Variants in RAPGEF4 observed in about 807,000 individuals in gnomAD.
The protein encoded by RAPGEF4 is Rap guanine nucleotide exchange factor 4, also known as RAP guanine-nucleotide-exchange factor (GEF) 4.
Under a neutral mutation model 147.9 loss-of-function variants are expected in RAPGEF4, and 66 were observed. That is an observed-to-expected ratio of 0.45 (90% CI 0.37 to 0.55). The LOEUF (loss-of-function observed/expected upper bound fraction) is 0.55, where lower values mean the gene tolerates loss of function less well. RAPGEF4 is among the 20% of genes least tolerant of loss of function. RAPGEF4 has a pLI of 0.00. For synonymous variants in RAPGEF4, 419 were observed against 442.7 expected (o/e 0.95, Z 0.67); for missense variants, 1,071 against 1,257.3 (o/e 0.85, Z 2.24).
chr2:172,741,511 A>G (rs890644892), intron 1 of RAPGEF4, among the ~76,000 whole-genome samples: 3 of 152,186 alleles, frequency 2.0e-5, no homozygotes, highest in Non-Finnish European at 4.4e-5. Context: ...TTTTTGGCTA[A>G]TGTGAATACT....
chr2:172,965,705 G>T, intron 9 of RAPGEF4, 22 bp downstream of exon 9: 1 of 1,614,024 alleles, frequency 6.2e-7, no homozygotes, highest in Non-Finnish European at 8.5e-7. Context: ...CCCAGTCCCT[G>T]GAAACCTCTC....
chr2:172,903,899 G>A (rs575925497), intron 4 of RAPGEF4, among the ~76,000 whole-genome samples: 73 of 152,252 alleles, frequency 4.8e-4, no homozygotes, highest in Non-Finnish European at 9.0e-4. Flanking sequence ...TCTCTGAGCC[G>A]GCAGTCTTCC....
At chr2:172,872,511 A>ATGTTGAATTGTAATCC (rs1695352304) in intron 4 of RAPGEF4, among the ~76,000 whole-genome samples, 1 of 152,134 alleles carries the variant, frequency 6.6e-6, no homozygotes, top group South Asian at 2.1e-4. Flanking sequence ...CCCAAATCTC[A>ATGTTGAATTGTAATCC]TGTTGAATTG....
In RAPGEF4 at chr2:172,792,188, A is replaced by T. The variant is rs148884330; in HGVS notation, c.66-2837A>T. On this transcript the variant is annotated intron_variant, in intron 1 of 30. Coordinates refer to ENST00000397081, the MANE Select transcript of RAPGEF4 (RefSeq NM_007023.4). ...TGTGCTTTACTGTCTGGGATCCCCC[A>T]GTAGGGGCGCCTCTGCCAGCTGCTG... Among the ~76,000 whole-genome samples the T allele has an allele frequency of 2.0e-3, 308 of 152,346 alleles. 10 individuals are homozygous for T. In the East Asian group the frequency reaches 0.05, roughly 25 times the overall value.
At chr2:172,925,011 G>T (rs1314236209) in intron 6 of RAPGEF4, among the ~76,000 whole-genome samples, 1 of 152,136 alleles carries the variant, frequency 6.6e-6, no homozygotes, top group Non-Finnish European at 1.5e-5. Flanking sequence ...GCAGTGGCAT[G>T]ATCTTGGCTC....
chr2:173,024,575 G>A lies in RAPGEF4; in HGVS notation c.2254-1997G>A, dbSNP rs936135471. Among the ~76,000 whole-genome samples, 12 of 152,272 alleles carry A rather than the reference G, an allele frequency of 7.9e-5. No individual in the cohort carries two copies. In the East Asian group the frequency reaches 2.3e-3, roughly 29 times the overall value. On this transcript the variant is annotated intron_variant, in intron 23 of 30. Coordinates refer to ENST00000397081, the MANE Select transcript of RAPGEF4 (RefSeq NM_007023.4). Reference sequence around the variant, plus strand: ...GGGGAGGGGACCTCTTTTGTGCCAGGCACTGTATTTACATGATTCACTGAA... The same window carrying A: ...GGGGAGGGGACCTCTTTTGTGCCAGACACTGTATTTACATGATTCACTGAA...
At chr2:173,008,565 A>T (rs1694721426) in intron 17 of RAPGEF4, among the ~76,000 whole-genome samples, 1 of 152,192 alleles carries the variant, frequency 6.6e-6, no homozygotes, top group South Asian at 2.1e-4. Flanking sequence ...AAACAACAAC[A>T]TTGAAGAGTA....
At chr2:172,974,306 C>T (rs534316484) in intron 10 of RAPGEF4, among the ~76,000 whole-genome samples, 6 of 152,272 alleles carry the variant, frequency 3.9e-5, no homozygotes, top group African/African-American at 1.4e-4. Flanking sequence ...AACCTGCCAT[C>T]GTCCAAAGGG....
intron 4 of RAPGEF4, among the ~76,000 whole-genome samples, chr2:172,840,947 G>A (rs1002109679): frequency 6.6e-6 from 1 of 152,246 alleles, no homozygotes; most frequent in Non-Finnish European, 1.5e-5. Flanking sequence ...CAGGGCTGAC[G>A]CCATAGCACT....
At chr2:172,738,655 T>C (rs1694026784) in intron 1 of RAPGEF4, among the ~76,000 whole-genome samples, 1 of 152,168 alleles carries the variant, frequency 6.6e-6, no homozygotes, top group Non-Finnish European at 1.5e-5. Context: ...AAATCTTTTT[T>C]ATTATGGACA....
intron 1 of RAPGEF4, among the ~76,000 whole-genome samples, chr2:172,791,562 A>G (rs186739970): frequency 1.3e-5 from 2 of 152,320 alleles, no homozygotes; most frequent in Admixed American, 6.5e-5. Flanking sequence ...TCCCCACTCC[A>G]TGAAGTACCC....
rs529387149 is a variant in RAPGEF4 at position 172,931,442 on chromosome 2, T to C, written c.537+9142T>C. Reference sequence around the variant, plus strand: ...CTCTTGCTTCCTGTTGGCACTTGGTTCAATTCTCAGTTCTGGGAAGACTTC... The same window carrying C: ...CTCTTGCTTCCTGTTGGCACTTGGTCCAATTCTCAGTTCTGGGAAGACTTC... On this transcript the variant is annotated intron_variant, in intron 6 of 30. Transcript: ENST00000397081. Among the ~76,000 whole-genome samples, 15 of 152,212 alleles carry C rather than the reference T, an allele frequency of 9.9e-5. No individual in the cohort carries two copies. In the South Asian group the frequency reaches 2.9e-3, roughly 30 times the overall value.
chr2:173,035,305 A>G (rs1292289112), intron 27 of RAPGEF4, among the ~76,000 whole-genome samples: 2 of 151,928 alleles, frequency 1.3e-5, no homozygotes, highest in Non-Finnish European at 2.9e-5. Context: ...TCAGGAGATC[A>G]AGACCATTCT....
intron 4 of RAPGEF4, among the ~76,000 whole-genome samples, chr2:172,825,633 T>A (rs1689588259): frequency 6.6e-6 from 1 of 152,356 alleles, no homozygotes; most frequent in South Asian, 2.1e-4. Context: ...TTTATATGAT[T>A]GAGACATTAA....
chr2:172,864,123 T>C (rs1459454442), intron 4 of RAPGEF4, among the ~76,000 whole-genome samples: 2 of 152,250 alleles, frequency 1.3e-5, no homozygotes, highest in Non-Finnish European at 2.9e-5. Flanking sequence ...TTTCCTGTCC[T>C]TATTTCAGGC....
intron 23 of RAPGEF4, among the ~76,000 whole-genome samples, chr2:173,022,334 TTTTAAGGCCTCTG>T (rs1366640563): frequency 1.3e-5 from 2 of 152,198 alleles, no homozygotes; most frequent in Non-Finnish European, 2.9e-5. Context: ...TCGTCCTCTG[TTTTAAGGCCTCTG>T]TCGTTGGAAG....
chr2:172,967,554 T>A (rs1689982490), intron 10 of RAPGEF4, 110 bp downstream of exon 10: 2 of 1,188,906 alleles, frequency 1.7e-6, no homozygotes, highest in Non-Finnish European at 2.3e-6. Flanking sequence ...CCATCCCCCA[T>A]GGAACAAAAG....
intron 4 of RAPGEF4, among the ~76,000 whole-genome samples, chr2:172,873,339 T>C (rs1287679724): frequency 2.6e-5 from 4 of 152,178 alleles, no homozygotes; most frequent in African/African-American, 9.7e-5. Flanking sequence ...ACAATTAAGA[T>C]TACAATAAAA....
chr2:172,887,498 A>T (rs1697374205), intron 4 of RAPGEF4, among the ~76,000 whole-genome samples: 1 of 152,238 alleles, frequency 6.6e-6, no homozygotes, highest in South Asian at 2.1e-4. Flanking sequence ...CTGTGGGCCA[A>T]ATCCAGACTA....
Sources: allele counts gnomAD v4.1 joint callset (sites outside exome capture counted in the v4.1 genomes callset), GRCh38; gene constraint gnomAD v4.1.1; transcripts MANE v1.5; gene names NCBI Gene and HGNC (gene_info 2026-07-23, HGNC 2026-07-21).